Variants in TRPC4AP observed in about 807,000 individuals in gnomAD.
TRPC4AP encodes the protein short transient receptor potential channel 4-associated protein.
A neutral mutation model predicts 99.0 loss-of-function variants in TRPC4AP; 45 were observed. That is an observed-to-expected ratio of 0.45 (90% CI 0.36 to 0.58). TRPC4AP has a LOEUF of 0.58. TRPC4AP is among the 20% of genes least tolerant of loss of function. The pLI is 0.00. For synonymous variants in TRPC4AP, 408 were observed against 385.8 expected (o/e 1.06, Z -0.67); for missense variants, 879 against 985.3 (o/e 0.89, Z 1.44).
At chr20:35,088,515 C>G (rs916421564) in intron 1 of TRPC4AP, among the ~76,000 whole-genome samples, 23 of 152,188 alleles carry the variant, frequency 1.5e-4, no homozygotes, top group Admixed American at 6.5e-5. Flanking sequence ...TTCAGGAAGC[C>G]CAGTCTAATT....
chr20:35,058,500 T>C (rs180810302), intron 3 of TRPC4AP, among the ~76,000 whole-genome samples: 20 of 152,170 alleles, frequency 1.3e-4, no homozygotes, highest in Admixed American at 1.3e-3. Context: ...AGAACGAAAT[T>C]TGGGAAATTC....
At chr20:35,006,720 G>T in intron 14 of TRPC4AP, 145 bp from the exon 15 acceptor site, 1 of 1,150,682 alleles carries the variant, frequency 8.7e-7, no homozygotes, top group Non-Finnish European at 1.2e-6. Flanking sequence ...TGAGGATGCT[G>T]GTGGCTCCAA....
intron 5 of TRPC4AP, among the ~76,000 whole-genome samples, chr20:35,050,470 T>G (rs2083669103): frequency 6.6e-6 from 1 of 151,846 alleles, no homozygotes; most frequent in Non-Finnish European, 1.5e-5. Context: ...ACCCCAGCAC[T>G]TTGGGAGGCC....
At chr20:35,038,839 G>A (rs189797866) in intron 7 of TRPC4AP, among the ~76,000 whole-genome samples, 3 of 152,236 alleles carry the variant, frequency 2.0e-5, no homozygotes, top group Non-Finnish European at 2.9e-5. Flanking sequence ...TTGGGAGGCC[G>A]AGGTGGGTGG....
chr20:35,057,422 G>T, intron 4 of TRPC4AP, 92 bp downstream of exon 4: 3 of 1,025,008 alleles, frequency 2.9e-6, no homozygotes, highest in Middle Eastern at 2.1e-4. Context: ...ACTATTAAGA[G>T]TTAGGAAGGG....
intron 9 of TRPC4AP, among the ~76,000 whole-genome samples, chr20:35,017,099 C>CACT (rs1388775671): frequency 6.6e-6 from 1 of 152,168 alleles, no homozygotes; most frequent in African/African-American, 2.4e-5. Flanking sequence ...ATATTTACAA[C>CACT]ACTACTCACT....
intron 7 of TRPC4AP, among the ~76,000 whole-genome samples, chr20:35,038,794 G>A (rs576826047): frequency 1.1e-4 from 16 of 152,250 alleles, no homozygotes; most frequent in African/African-American, 3.6e-4. Context: ...ATCAGTAGGC[G>A]GGGCATGGTG....
In TRPC4AP at chr20:35,003,131, A is replaced by C; in HGVS notation, c.*15T>G. ...CCCACACTGGCCCAGCAGCCTCCCG[A>C]GGCCTGGCCCAAGGTCACTCCTCAG... On this transcript the variant is annotated 3_prime_UTR_variant, in exon 19 of 19. Transcript: ENST00000252015. 2 of 1,613,818 alleles carry C rather than the reference A, an allele frequency of 1.2e-6. No individual in the cohort carries two copies. The highest frequency in any genetic ancestry group is 2.2e-5 in the East Asian group (1 of 44,884).
chr20:35,030,442 G>T (rs1416671222), intron 8 of TRPC4AP: 1 of 151,992 alleles, frequency 6.6e-6, no homozygotes. Context: ...TTCTAACTTA[G>T]AGCTCCATTC....
chr20:35,030,837 A>G (rs1488220829), intron 8 of TRPC4AP, among the ~76,000 whole-genome samples: 6 of 152,098 alleles, frequency 3.9e-5, no homozygotes, highest in Non-Finnish European at 8.8e-5. Context: ...ATCTCTTACA[A>G]TTACAGAATT....
chr20:35,046,420 G>T (rs2083563679), intron 6 of TRPC4AP, among the ~76,000 whole-genome samples: 1 of 152,076 alleles, frequency 6.6e-6, no homozygotes, highest in Non-Finnish European at 1.5e-5. Context: ...ACTTCCACTG[G>T]ATTGGGTGTT....
rs150231202 is a variant in TRPC4AP, at chr20:35,086,431, A to ATGTGTGTGTGTG, written c.168+6171_168+6182dup. ...AACTTCCCATTGAAATGAATGGCAT[A>ATGTGTGTGTGTG]TGTGTGTGTGTGTGTGTGTGTGTGT... On this transcript the variant is annotated intron_variant, in intron 1 of 18. Coordinates refer to ENST00000252015, the MANE Select transcript of TRPC4AP (RefSeq NM_015638.3). Among the ~76,000 whole-genome samples the ATGTGTGTGTGTG allele has an allele frequency of 7.3e-5, 8 of 109,528 alleles. 1 individual carries two copies. The South Asian group carries it at 1.3e-3, about 18-fold the overall frequency. 71.9% of individuals were successfully genotyped at this position (109,528 alleles called of 152,430 possible).
At chr20:35,059,770 G>A (rs1339845614) in intron 3 of TRPC4AP, among the ~76,000 whole-genome samples, 10 of 140,618 alleles carry the variant, frequency 7.1e-5, no homozygotes, top group African/African-American at 1.7e-4. Flanking sequence ...AGAAGACGAC[G>A]AAGACAAAGA....
At chr20:35,085,614 A>AT (rs1456856948) in intron 1 of TRPC4AP, among the ~76,000 whole-genome samples, 1 of 151,568 alleles carries the variant, frequency 6.6e-6, no homozygotes, top group Admixed American at 6.6e-5. Context: ...CTGTCTAAAA[A>AT]AAAAAAAAAA....
At chr20:35,065,919 A>G (rs561404936) in intron 3 of TRPC4AP, among the ~76,000 whole-genome samples, 8 of 152,264 alleles carry the variant, frequency 5.3e-5, no homozygotes, top group Admixed American at 4.6e-4. Context: ...CTAGCCAAGT[A>G]AGTAAATGCC....
chr20:35,024,135 T>G (rs536976055), intron 8 of TRPC4AP, among the ~76,000 whole-genome samples: 7 of 151,786 alleles, frequency 4.6e-5, no homozygotes, highest in African/African-American at 1.7e-4. Flanking sequence ...ACTCACTTTT[T>G]TTTTTTTTTA....
At chr20:35,047,919 C>T (rs2083597195) in intron 6 of TRPC4AP, among the ~76,000 whole-genome samples, 1 of 151,892 alleles carries the variant, frequency 6.6e-6, no homozygotes, top group African/African-American at 2.4e-5. Context: ...GGTGCTGGGG[C>T]ACAAGATATG....
chr20:35,063,055 G>A (rs2084048444), intron 3 of TRPC4AP, among the ~76,000 whole-genome samples: 1 of 152,232 alleles, frequency 6.6e-6, no homozygotes, highest in Non-Finnish European at 1.5e-5. Flanking sequence ...GTGGGACCAG[G>A]TGGAGGTGAC....
intron 4 of TRPC4AP, 40 bp downstream of exon 4, chr20:35,057,472 CAG>C: frequency 6.5e-7 from 1 of 1,544,150 alleles, no homozygotes; most frequent in Non-Finnish European, 8.9e-7. Flanking sequence ...ACCGTATCGG[CAG>C]GTTGGAAAAC....
Sources: allele counts gnomAD v4.1 joint callset (sites outside exome capture counted in the v4.1 genomes callset), GRCh38; gene constraint gnomAD v4.1.1; transcripts MANE v1.5; gene names NCBI Gene and HGNC (gene_info 2026-07-23, HGNC 2026-07-21).